GANC: variants seen among roughly 807,000 people sequenced by gnomAD.
GANC encodes glucosidase alpha, neutral C.
GANC carries 117 observed loss-of-function variants against 124.2 expected under a neutral mutation model. The ratio of observed to expected loss-of-function variants is 0.94; its 90% confidence interval spans 0.81 to 1.10. GANC has a LOEUF of 1.10. GANC is among the 50% of genes least tolerant of loss of function. GANC has a pLI of 0.00. For missense variants in GANC, 1,140 were observed against 1,095.0 expected (o/e 1.04, Z -0.58); for synonymous variants, 377 against 376.8 (o/e 1.00, Z -0.01).
At chr15:42,319,123 A>T (rs1045184409) in intron 10 of GANC, among the ~76,000 whole-genome samples, 1 of 151,430 alleles carries the variant, frequency 6.6e-6, no homozygotes, top group African/African-American at 2.4e-5. Flanking sequence ...TTATGCTATC[A>T]TGTTTCTGCT....
At chr15:42,339,990 A>C in intron 17 of GANC, 78 bp downstream of exon 17, 1 of 1,481,146 alleles carries the variant, frequency 6.8e-7, no homozygotes, top group Non-Finnish European at 9.1e-7. Flanking sequence ...GAATGCAATA[A>C]TTACAGTGAT....
At chr15:42,330,760 C>A in intron 15 of GANC, 88 bp downstream of exon 15, 1 of 636,940 alleles carries the variant, frequency 1.6e-6, no homozygotes. Flanking sequence ...GTGCTGATGC[C>A]TTCCTTTTCC....
Position 42,327,018 on chromosome 15 carries a change from C to G in GANC, c.1421-345C>G, listed in dbSNP as rs1003056573. 9.8e-5 allele frequency among the ~76,000 whole-genome samples: 15 copies of G among 152,302 alleles called. 1 individual carries two copies. Among genetic ancestry groups the G allele is most frequent in the Admixed American group, 8.5e-4 (13 of 15,298 alleles). On this transcript the variant is annotated intron_variant, in intron 12 of 23. Coordinates refer to ENST00000318010, the MANE Select transcript of GANC (RefSeq NM_198141.3). ...TGCCTTTCTTTTTTTCCCTTTACAT[C>G]CCTTGAACACAATTCCCTGTTCTCT...
intron 15 of GANC, 98 bp downstream of exon 15, chr15:42,330,770 C>CTTTTTTTTTTTTTTTTTTTTTTTT (rs71108160): frequency 3.0e-6 from 1 of 332,870 alleles, no homozygotes; most frequent in Non-Finnish European, 4.9e-6. Context: ...CTTCCTTTTC[C>CTTTTTTTTTTTTTTTTTTTTTTTT]TTTTTTTTTT....
chr15:42,280,114 C>T (rs1316497988), intron 3 of GANC, among the ~76,000 whole-genome samples: 4 of 152,198 alleles, frequency 2.6e-5, no homozygotes, highest in Non-Finnish European at 2.9e-5. Context: ...CCCCTGTCCT[C>T]AACTTCTACA....
At chr15:42,336,868 A>G (rs537921068) in intron 15 of GANC, among the ~76,000 whole-genome samples, 1 of 152,370 alleles carries the variant, frequency 6.6e-6, no homozygotes, top group Non-Finnish European at 1.5e-5. Flanking sequence ...TGTGGCCAAC[A>G]AGCATGTGAA....
intron 11 of GANC, among the ~76,000 whole-genome samples, chr15:42,324,141 A>G (rs2052181663): frequency 6.6e-6 from 1 of 152,194 alleles, no homozygotes; most frequent in South Asian, 2.1e-4. Context: ...ACATCTCTCC[A>G]AAGAAGATAC....
intron 7 of GANC, 49 bp downstream of exon 7, chr15:42,306,661 C>G: frequency 3.9e-6 from 5 of 1,272,808 alleles, no homozygotes; most frequent in Admixed American, 2.1e-5. Flanking sequence ...CTAAAAATGT[C>G]TACATAATTC....
chr15:42,321,403 C>A (rs533340924), intron 10 of GANC, among the ~76,000 whole-genome samples: 1 of 152,136 alleles, frequency 6.6e-6, no homozygotes, highest in African/African-American at 2.4e-5. Flanking sequence ...GTTCCCTGTG[C>A]CCGGAATGCT....
At chr15:42,335,179 C>G (rs999408462) in intron 15 of GANC, among the ~76,000 whole-genome samples, 3 of 152,112 alleles carry the variant, frequency 2.0e-5, no homozygotes, top group African/African-American at 7.2e-5. Context: ...AAATTTCAAG[C>G]CAGTATCCTC....
In GANC at chr15:42,349,461, A is replaced by C. The variant is rs1240485096; in HGVS notation, c.2497A>C (p.Lys833Gln). Reference protein sequence around the residue: ...YLHQKQFLHRKFSFCSSVLIN... With the variant: ...YLHQKQFLHRQFSFCSSVLIN... ...CCACCAGAAGCAATTTTTGCACAGG[A>C]AGTTTTCATTCTGTTCCAGTGTTCT... The change falls in exon 22 of 24, where the codon AAG (lysine) becomes CAG (glutamine). Residue 833 changes from lysine to glutamine, a missense_variant. Coordinates refer to ENST00000318010, the MANE Select transcript of GANC (RefSeq NM_198141.3). The C allele has an allele frequency of 5.6e-6, 9 of 1,612,760 alleles. No individual in the cohort carries two copies. Among genetic ancestry groups the C allele is most frequent in the Middle Eastern group, 1.6e-4 (1 of 6,076 alleles).
In GANC at chr15:42,303,565, T is replaced by C. The variant is rs181815332; in HGVS notation, c.559-2981T>C. Among the ~76,000 whole-genome samples the C allele has an allele frequency of 8.8e-4, 132 of 150,566 alleles. 6 individuals are homozygous for C. The East Asian group carries it at 0.017, about 20-fold the overall frequency. On this transcript the variant is annotated intron_variant, in intron 6 of 23. Coordinates refer to ENST00000318010, the MANE Select transcript of GANC (RefSeq NM_198141.3). ...AATTAAAAGACATAGACTGGCAAAT[T>C]GGATAAAGAGTCAAGACCCACCAGT...
intron 10 of GANC, among the ~76,000 whole-genome samples, chr15:42,318,972 T>G (rs2052132696): frequency 6.6e-6 from 1 of 152,230 alleles, no homozygotes; most frequent in Non-Finnish European, 1.5e-5. Flanking sequence ...CCTTCAGTTC[T>G]GAGAAACTGT....
intron 16 of GANC, 118 bp from the exon 17 acceptor site, chr15:42,339,551 T>C: frequency 1.7e-6 from 2 of 1,210,332 alleles, no homozygotes; most frequent in South Asian, 1.5e-5. Flanking sequence ...GGCTTTATCC[T>C]GTCATTTGAA....
In GANC at chr15:42,274,387, T is replaced by C. The variant is rs962851557; in HGVS notation, c.-95T>C. 1.8e-5 allele frequency: 23 copies of C among 1,313,292 alleles called. No homozygotes were observed. Among genetic ancestry groups the C allele is most frequent in the Non-Finnish European group, 2.1e-6 (2 of 933,844 alleles). The allele number at this position is 1,313,292 out of a possible 1,614,324, so 81.4% of individuals were successfully genotyped here. A position where few individuals can be genotyped will look rare whatever the true frequency, so the allele number is the denominator to read the frequency against. ...AGAAACTTGACGATGAAGTACTGGTTGTAATTTTAGAAAGACACCCAATCG... is the reference window on the plus strand; with the variant it reads ...AGAAACTTGACGATGAAGTACTGGTCGTAATTTTAGAAAGACACCCAATCG... On this transcript the variant is annotated 5_prime_UTR_variant, in exon 1 of 24. Transcript: ENST00000318010.
rs573557039 is a variant in GANC at position 42,327,513 on chromosome 15, A to G, written c.1500+71A>G. 4.1e-6 allele frequency: 5 copies of G among 1,205,294 alleles called. No homozygotes were observed. In the East Asian group the frequency reaches 1.2e-4, roughly 28 times the overall value. The allele number at this position is 1,205,294 out of a possible 1,614,324, so 74.7% of individuals were successfully genotyped here. A position where few individuals can be genotyped will look rare whatever the true frequency, so the allele number is the denominator to read the frequency against. ...AAAGAAGTGGAAAAAGTGATTGAATAAAACTATTCTTTTTCATTGAGTAGC... is the reference window on the plus strand; with the variant it reads ...AAAGAAGTGGAAAAAGTGATTGAATGAAACTATTCTTTTTCATTGAGTAGC... On this transcript the variant is annotated intron_variant, in intron 13 of 23. Transcript: ENST00000318010.
intron 6 of GANC, 41 bp from the exon 7 acceptor site, chr15:42,306,505 C>T (rs749957880): frequency 6.7e-7 from 1 of 1,497,104 alleles, no homozygotes; most frequent in South Asian, 1.2e-5. Context: ...ACATTTGTTG[C>T]AATTTGTAAA....
At chr15:42,343,744 C>T (rs771248145) in intron 19 of GANC, among the ~76,000 whole-genome samples, 8 of 152,130 alleles carry the variant, frequency 5.3e-5, no homozygotes, top group East Asian at 3.8e-4. Context: ...GGAATACCAG[C>T]GGTCTGCAGG....
intron 20 of GANC, among the ~76,000 whole-genome samples, chr15:42,346,125 A>G (rs1169904848): frequency 2.6e-5 from 4 of 152,204 alleles, no homozygotes; most frequent in Non-Finnish European, 5.9e-5. Context: ...CTGTCGTTTC[A>G]GGACCCCATC....
Sources: allele counts gnomAD v4.1 joint callset (sites outside exome capture counted in the v4.1 genomes callset), GRCh38; gene constraint gnomAD v4.1.1; transcripts MANE v1.5; gene names NCBI Gene and HGNC (gene_info 2026-07-23, HGNC 2026-07-21).